Variants in BMP2 observed in about 807,000 individuals in gnomAD.
The protein encoded by BMP2 is bone morphogenetic protein 2A.
A neutral mutation model predicts 28.8 loss-of-function variants in BMP2; 2 were observed. The ratio of observed to expected loss-of-function variants is 0.07; its 90% CI spans 0.03 to 0.22. The LOEUF (loss-of-function observed/expected upper bound fraction) is 0.22, where lower values mean the gene tolerates loss of function less well. BMP2 is among the 10% of genes least tolerant of loss of function. BMP2 has a pLI of 1.00. For missense variants in BMP2, 437 were observed against 517.7 expected (o/e 0.84, Z 1.51); for synonymous variants, 218 against 204.3 (o/e 1.07, Z -0.57).
At chr20:6,774,846 AG>A (rs1214973248) in intron 2 of BMP2, among the ~76,000 whole-genome samples, 1 of 152,222 alleles carries the variant, frequency 6.6e-6, no homozygotes, top group Non-Finnish European at 1.5e-5. Flanking sequence ...GAGTGGACCT[AG>A]GCTGACTGAG....
At chr20:6,773,146 C>T (rs1007594264) in intron 2 of BMP2, among the ~76,000 whole-genome samples, 4 of 152,176 alleles carry the variant, frequency 2.6e-5, no homozygotes, top group Admixed American at 2.0e-4. Context: ...GATTATTTGC[C>T]TCTGTGACTG....
rs1447576789 is a variant in BMP2 at position 6,779,147 on chromosome 20, A to C, written c.*58A>C. On this transcript the variant is annotated 3_prime_UTR_variant, in exon 3 of 3. Coordinates refer to ENST00000378827, the MANE Select transcript of BMP2 (RefSeq NM_001200.4). ...ATATATATATTTTAGAAAAAAGAAA[A>C]AAACAAACAAACAAAAAAACCCCAC... is the stretch of plus-strand genomic sequence containing the variant. 1.3e-5 allele frequency: 12 copies of C among 913,786 alleles called. No homozygotes were observed. The highest frequency in any genetic ancestry group is 4.2e-4 in the Middle Eastern group (1 of 2,382). The allele number at this position is 913,786 out of a possible 1,614,324, so 56.6% of individuals were successfully genotyped here.
chr20:6,773,711 G>GT (rs1568548513), intron 2 of BMP2, among the ~76,000 whole-genome samples: 1 of 151,936 alleles, frequency 6.6e-6, no homozygotes, highest in Non-Finnish European at 1.5e-5. Flanking sequence ...AAAATGGAAT[G>GT]TTTTTAACCT....
intron 2 of BMP2, 96 bp downstream of exon 2, chr20:6,770,568 G>T: frequency 8.0e-7 from 1 of 1,242,794 alleles, no homozygotes; most frequent in South Asian, 1.6e-5. Flanking sequence ...CAGCTTGGCC[G>T]GGGCACCAGC....
In BMP2 at chr20:6,770,225, C is replaced by T; in HGVS notation, c.99C>T (p.Phe33=). 1 of 1,600,142 alleles carries T rather than the reference C, an allele frequency of 6.2e-7. No individual in the cohort carries two copies. The highest frequency in any genetic ancestry group is 8.5e-7 in the Non-Finnish European group (1 of 1,174,156). ...GLVPELGRRK[F]AAASSGRPSS... ...TTCCGGAGCTGGGCCGCAGGAAGTT[C>T]GCGGCGGCGTCGTCGGGCCGCCCCT... Residue 33 remains phenylalanine, a synonymous_variant, in exon 2 of 3, where the codon TTC becomes TTT. Transcript: ENST00000378827.
intron 2 of BMP2, among the ~76,000 whole-genome samples, chr20:6,776,627 A>G (rs1015632203): frequency 2.0e-5 from 3 of 152,190 alleles, no homozygotes; most frequent in Admixed American, 6.5e-5. Context: ...CCCCAGACCT[A>G]CTGAATCAGA....
In BMP2 at chr20:6,770,227, C is replaced by T. The variant is rs1251797584; in HGVS notation, c.101C>T (p.Ala34Val). Residue 34 changes from alanine to valine, a missense_variant, in exon 2 of 3, where the codon GCG becomes GTG. Ala to Val is a moderately conservative substitution (Grantham distance 64). This residue lies in a region of BMP2 where 363 missense variants were observed against 392.8 expected (regional missense o/e 0.92). Coordinates refer to ENST00000378827, the MANE Select transcript of BMP2 (RefSeq NM_001200.4). ...LVPELGRRKF[A>V]AASSGRPSSQ... ...CCGGAGCTGGGCCGCAGGAAGTTCG[C>T]GGCGGCGTCGTCGGGCCGCCCCTCA... is the stretch of plus-strand genomic sequence containing the variant. 6 of 1,600,608 alleles carry T rather than the reference C, an allele frequency of 3.7e-6. No individual in the cohort carries two copies. The highest frequency in any genetic ancestry group is 3.4e-6 in the Non-Finnish European group (4 of 1,174,434).
intron 2 of BMP2, among the ~76,000 whole-genome samples, chr20:6,777,367 G>C (rs995538505): frequency 6.6e-6 from 1 of 151,836 alleles, no homozygotes; most frequent in Non-Finnish European, 1.5e-5. Flanking sequence ...TTTTGGTTTT[G>C]TGTCCATCCT....
chr20:6,770,267 C>G lies in BMP2; in HGVS notation c.141C>G (p.Asp47Glu), dbSNP rs769299110. ...GCCGCCCCTCATCCCAGCCCTCTGA[C>G]GAGGTCCTGAGCGAGTTCGAGTTGC... ...SSGRPSSQPSDEVLSEFELRL... is the reference protein window; with the variant it reads ...SSGRPSSQPSEEVLSEFELRL... Residue 47 changes from aspartate (D) to glutamate (E), a missense_variant, in exon 2 of 3, where the codon GAC becomes GAG. Physicochemically the swap from Asp to Glu is conservative, Grantham distance 45. Transcript: ENST00000378827. 3.1e-6 allele frequency: 5 copies of G among 1,612,632 alleles called. No individual in the cohort carries two copies. The highest frequency in any genetic ancestry group is 4.2e-6 in the Non-Finnish European group (5 of 1,179,552).
rs933699270 is a variant in BMP2, at chr20:6,768,684, C to G, written c.-199C>G. 18 of 396,662 alleles carry G rather than the reference C, an allele frequency of 4.5e-5. No individual in the cohort carries two copies. The highest frequency in any genetic ancestry group is 2.5e-4 in the African/African-American group (12 of 48,568). 24.6% of individuals were successfully genotyped at this position (396,662 alleles called of 1,614,324 possible). ...CGCCCCTCCACTCCTCGGCCTTGCC[C>G]GACACTGAGACGCTGTTCCCAGCGT... On this transcript the variant is annotated 5_prime_UTR_variant, in exon 1 of 3. Transcript: ENST00000378827.
Position 6,779,093 on chromosome 20 carries a change from A to T in BMP2, c.*4A>T. On this transcript the variant is annotated 3_prime_UTR_variant, in exon 3 of 3. Coordinates refer to ENST00000378827, the MANE Select transcript of BMP2 (RefSeq NM_001200.4). ...GGAGGGTTGTGGGTGTCGCTAGTAC[A>T]GCAAAATTAAATACATAAATATATA... The T allele has an allele frequency of 6.8e-7, 1 of 1,464,466 alleles. No individual in the cohort carries two copies. The highest frequency in any genetic ancestry group is 1.5e-5 in the South Asian group (1 of 65,590). The allele number at this position is 1,464,466 out of a possible 1,614,324, so 90.7% of individuals were successfully genotyped here. A position where few individuals can be genotyped will look rare whatever the true frequency, so the allele number is the denominator to read the frequency against.
intron 2 of BMP2, among the ~76,000 whole-genome samples, chr20:6,776,425 T>G (rs1414430648): frequency 4.6e-5 from 7 of 152,210 alleles, no homozygotes. Flanking sequence ...TCTTACTCCT[T>G]TGCCACCACT....
chr20:6,769,922 T>A (rs938879979), intron 1 of BMP2, among the ~76,000 whole-genome samples, 198 bp from the exon 2 acceptor site: 8 of 152,128 alleles, frequency 5.3e-5, no homozygotes, highest in South Asian at 2.1e-4. Context: ...CGATAAATCA[T>A]CTGGTTCAGG....
Position 6,778,649 on chromosome 20 carries a change from C to G in BMP2, c.751C>G (p.His251Asp), listed in dbSNP as rs760108003. 3 of 1,614,066 alleles carry G rather than the reference C, an allele frequency of 1.9e-6. No individual in the cohort carries two copies. The highest frequency in any genetic ancestry group is 4.5e-5 in the East Asian group (2 of 44,884). ...KRHVRISRSL[H>D]QDEHSWSQIR... Reference sequence around the variant, plus strand: ...ACATGTTAGGATAAGCAGGTCTTTGCACCAAGATGAACACAGCTGGTCACA... The same window carrying G: ...ACATGTTAGGATAAGCAGGTCTTTGGACCAAGATGAACACAGCTGGTCACA... The change falls in exon 3 of 3, where the codon CAC becomes GAC. Residue 251 changes from histidine (H) to aspartate (D), a missense_variant. Physicochemically the swap from His to Asp is moderately conservative, Grantham distance 81 (BLOSUM62 -1). This residue lies in a region of BMP2 where 363 missense variants were observed against 392.8 expected (regional missense o/e 0.92). Coordinates refer to ENST00000378827, the MANE Select transcript of BMP2 (RefSeq NM_001200.4). This position sits in a 1 kb window ranked among gnomAD's most constrained non-coding sequence, Gnocchi z 5.0.
chr20:6,768,446 C>A lies in BMP2; in HGVS notation c.-437C>A. Reference sequence around the variant, plus strand: ...CCGGCCCCGCGCGGGGCCACGCGTCCCTCGGGCGCTGGTTCCTAAGGAGGA... The same window carrying A: ...CCGGCCCCGCGCGGGGCCACGCGTCACTCGGGCGCTGGTTCCTAAGGAGGA... On this transcript the variant is annotated 5_prime_UTR_variant, in exon 1 of 3. Coordinates refer to ENST00000378827, the MANE Select transcript of BMP2 (RefSeq NM_001200.4). 1 of 392,950 alleles carries A rather than the reference C, an allele frequency of 2.5e-6. No homozygotes were observed. The highest frequency in any genetic ancestry group is 4.5e-6 in the Non-Finnish European group (1 of 222,802). The allele number at this position is 392,950 out of a possible 1,614,324, so 24.3% of individuals were successfully genotyped here.
chr20:6,769,991 G>C, intron 1 of BMP2, 129 bp from the exon 2 acceptor site: 2 of 939,304 alleles, frequency 2.1e-6, no homozygotes, highest in Non-Finnish European at 3.1e-6. Flanking sequence ...ACCTAGACTC[G>C]TGAGTGTGCC....
intron 2 of BMP2, among the ~76,000 whole-genome samples, chr20:6,770,788 C>A (rs922153875): frequency 3.9e-5 from 6 of 152,134 alleles, no homozygotes; most frequent in Non-Finnish European, 8.8e-5. Context: ...GTCAGCTAAA[C>A]GTGCAAGAAT....
At position 6,770,285 on chromosome 20, in the gene BMP2, C is replaced by G. The variant is rs1201164661; in HGVS notation, c.159C>G (p.Phe53Leu). The G allele has an allele frequency of 8.1e-6, 13 of 1,613,338 alleles. No individual in the cohort carries two copies. In the Admixed American group the frequency reaches 2.0e-4, roughly 25 times the overall value. ...CCTCTGACGAGGTCCTGAGCGAGTT[C>G]GAGTTGCGGCTGCTCAGCATGTTCG... ...SQPSDEVLSE[F>L]ELRLLSMFGL... The change falls in exon 2 of 3, where the codon TTC (phenylalanine) becomes TTG (leucine). Residue 53 changes from phenylalanine to leucine, a missense_variant. Phe to Leu is a conservative substitution (Grantham distance 22). This residue lies in a region of BMP2 where 363 missense variants were observed against 392.8 expected (regional missense o/e 0.92). Transcript: ENST00000378827.
rs1986286650 is a variant in BMP2 at position 6,768,011 on chromosome 20, T to A, written c.-872T>A. On this transcript the variant is annotated 5_prime_UTR_variant, in exon 1 of 3. Transcript: ENST00000378827. ...AGAGCGCCGGGGACTCCGGAGCCGA[T>A]CCCTAGCGCCGCGATGCGGAGCACC... is the stretch of plus-strand genomic sequence containing the variant. 1 of 396,980 alleles carries A rather than the reference T, an allele frequency of 2.5e-6. No homozygotes were observed. The highest frequency in any genetic ancestry group is 2.1e-5 in the African/African-American group (1 of 48,276). The allele number at this position is 396,980 out of a possible 1,614,324, so 24.6% of individuals were successfully genotyped here.
Sources: gnomAD v4.1 joint callset for allele counts (sites outside exome capture counted in the v4.1 genomes callset) on GRCh38, gnomAD v4.1.1 for gene constraint, gnomAD v4.1.1 regional missense constraint, Gnocchi (gnomAD v3.1) non-coding constraint, MANE v1.5 for transcripts, NCBI Gene and HGNC (gene_info 2026-07-23, HGNC 2026-07-21) for gene names.